The following SDK2 variants were observed in gnomAD, a reference collection of about 807,000 sequenced individuals.
SDK2 encodes the protein protein sidekick-2.
A neutral mutation model predicts 253.9 loss-of-function variants in SDK2; 105 were observed. The ratio of observed to expected loss-of-function variants is 0.41; its 90% CI spans 0.35 to 0.49. SDK2 has a LOEUF of 0.49. Ranked by LOEUF, SDK2 falls within the 20% of genes least tolerant of loss-of-function variation. The probability of loss-of-function intolerance (pLI) is 0.06; values close to 1 mark genes in which losing one functional copy is unlikely to be tolerated. For synonymous variants in SDK2, 1,249 were observed against 1,234.9 expected (o/e 1.01, Z -0.24); for missense variants, 2,608 against 3,003.0 (o/e 0.87, Z 3.07).
At chr17:73,393,479 C>T in intron 27 of SDK2, 81 bp downstream of exon 27, 4 of 1,345,402 alleles carry the variant, frequency 3.0e-6, no homozygotes, top group Middle Eastern at 2.1e-4. Context: ...AGAGCCTGAC[C>T]CCAGAAGGGC....
intron 18 of SDK2, among the ~76,000 whole-genome samples, chr17:73,413,057 G>A (rs955611085): frequency 6.6e-6 from 1 of 152,124 alleles, no homozygotes; most frequent in East Asian, 1.9e-4. Context: ...ACCAGTCTGT[G>A]GTCTGTTAGG....
chr17:73,507,665 A>T, intron 1 of SDK2, 68 bp from the exon 2 acceptor site: 3 of 1,492,580 alleles, frequency 2.0e-6, no homozygotes, highest in South Asian at 1.3e-5. Flanking sequence ...TGCGTTTAGT[A>T]TCCTAAGGCC....
Position 73,546,205 on chromosome 17 carries a change from C to T in SDK2, c.65-38608G>A, listed in dbSNP as rs370330552. 8.5e-5 allele frequency among the ~76,000 whole-genome samples: 13 copies of T among 152,294 alleles called. No individual in the cohort carries two copies. The East Asian group carries it at 9.6e-4, about 11-fold the overall frequency. On this transcript the variant is annotated intron_variant, in intron 1 of 44. Transcript: ENST00000392650. ...CCCTCCCTGAAGGTGCCAGGGCAGG[C>T]GGAGGCAGAGTTCAGACCTGCCCTC...
rs181581473 is a variant in SDK2, at chr17:73,422,255, G to T, written c.2045+32C>A. On this transcript the variant is annotated intron_variant, in intron 15 of 44. Transcript: ENST00000392650. ...GCAGCCCCTGCCTGTTGGAGTCCTG[G>T]CGACGCCCCTGTAGAGCGCCAGTGC... is the stretch of plus-strand genomic sequence containing the variant. 1.9e-6 allele frequency: 3 copies of T among 1,608,906 alleles called. No individual in the cohort carries two copies. In the African/African-American group the frequency reaches 4.0e-5, roughly 22 times the overall value.
At chr17:73,551,310 G>T (rs1460881666) in intron 1 of SDK2, among the ~76,000 whole-genome samples, 1 of 152,188 alleles carries the variant, frequency 6.6e-6, no homozygotes, top group Non-Finnish European at 1.5e-5. Flanking sequence ...GTGGCACGTT[G>T]CATGGCCAGA....
chr17:73,572,619 A>G (rs1265742831), intron 1 of SDK2, among the ~76,000 whole-genome samples: 1 of 152,180 alleles, frequency 6.6e-6, no homozygotes, highest in Non-Finnish European at 1.5e-5. Flanking sequence ...GAGGAAGACC[A>G]TGTCTGTTTT....
At chr17:73,556,525 ATT>A (rs1326502892) in intron 1 of SDK2, among the ~76,000 whole-genome samples, 1 of 152,196 alleles carries the variant, frequency 6.6e-6, no homozygotes, top group Non-Finnish European at 1.5e-5. Context: ...ACCGTGACTC[ATT>A]TTTGGTAGAG....
chr17:73,566,710 G>T (rs1209467046), intron 1 of SDK2, among the ~76,000 whole-genome samples: 3 of 152,092 alleles, frequency 2.0e-5, no homozygotes, highest in African/African-American at 7.2e-5. Context: ...TGTGTCTATG[G>T]CTTAGGGCTT....
At chr17:73,399,872 G>A (rs2063008034) in intron 21 of SDK2, among the ~76,000 whole-genome samples, 1 of 152,182 alleles carries the variant, frequency 6.6e-6, no homozygotes, top group African/African-American at 2.4e-5. Context: ...CAGGCTGTGT[G>A]TCTTTGCACA....
At chr17:73,355,176 T>TA (rs1568363071) in intron 40 of SDK2, among the ~76,000 whole-genome samples, 2 of 5,784 alleles carry the variant, frequency 3.5e-4, no homozygotes, top group African/African-American at 4.7e-4. Flanking sequence ...ATATATATAT[T>TA]TTTTTTTTTT....
At chr17:73,368,296 C>A (rs138932660) in intron 37 of SDK2, 111 bp downstream of exon 37, 9 of 991,036 alleles carry the variant, frequency 9.1e-6, no homozygotes, top group African/African-American at 1.7e-5. Context: ...GATCCTCAGG[C>A]GGATAAGGCA....
Position 73,644,212 on chromosome 17 carries a change from C to T in SDK2, c.-124G>A. 1 of 785,588 alleles carries T rather than the reference C, an allele frequency of 1.3e-6. No individual in the cohort carries two copies. The highest frequency in any genetic ancestry group is 2.1e-6 in the Non-Finnish European group (1 of 474,342). The allele number at this position is 785,588 out of a possible 1,614,324, so 48.7% of individuals were successfully genotyped here. ...ACAGTCAGTCTACGCGGCTCCGTGCCCCGGGGTGTAATATGCCCGGGAGGG... is the reference window on the plus strand; with the variant it reads ...ACAGTCAGTCTACGCGGCTCCGTGCTCCGGGGTGTAATATGCCCGGGAGGG... On this transcript the variant is annotated 5_prime_UTR_variant, in exon 1 of 45. Coordinates refer to ENST00000392650, the MANE Select transcript of SDK2 (RefSeq NM_001144952.2). This position sits in a 1 kb window ranked among gnomAD's most constrained non-coding sequence, Gnocchi z 6.3.
At chr17:73,436,766 C>T (rs1053919887) in intron 8 of SDK2, among the ~76,000 whole-genome samples, 3 of 152,028 alleles carry the variant, frequency 2.0e-5, no homozygotes, top group Non-Finnish European at 4.4e-5. Context: ...ATGGTCACGT[C>T]TCCGAGATCA....
At chr17:73,441,437 G>C (rs1363786344) in intron 5 of SDK2, among the ~76,000 whole-genome samples, 1 of 152,190 alleles carries the variant, frequency 6.6e-6, no homozygotes, top group Non-Finnish European at 1.5e-5. Flanking sequence ...TTTGTAATTA[G>C]TTAAGGTGAG....
At chr17:73,407,744 A>T (rs533412319) in intron 18 of SDK2, among the ~76,000 whole-genome samples, 136 of 152,140 alleles carry the variant, frequency 8.9e-4, no homozygotes, top group Non-Finnish European at 1.7e-3. Flanking sequence ...GCCAGAACCA[A>T]TTCATTATAC....
chr17:73,560,429 C>A (rs910799362), intron 1 of SDK2, among the ~76,000 whole-genome samples: 7 of 152,238 alleles, frequency 4.6e-5, no homozygotes, highest in Non-Finnish European at 1.0e-4. Context: ...CAACCTCCAC[C>A]TCCCAGATTC....
At chr17:73,399,859 T>C (rs535880773) in intron 21 of SDK2, among the ~76,000 whole-genome samples, 3 of 152,278 alleles carry the variant, frequency 2.0e-5, no homozygotes, top group African/African-American at 7.2e-5. Flanking sequence ...ACTCCACTAC[T>C]TACAGGCTGT....
At chr17:73,572,572 T>C (rs1802111296) in intron 1 of SDK2, among the ~76,000 whole-genome samples, 1 of 152,218 alleles carries the variant, frequency 6.6e-6, no homozygotes. Context: ...TGTGTAGTTA[T>C]TTGCTTATCG....
At chr17:73,459,709 T>A (rs994826470) in intron 3 of SDK2, among the ~76,000 whole-genome samples, 3 of 152,150 alleles carry the variant, frequency 2.0e-5, no homozygotes, top group Middle Eastern at 3.2e-3. Flanking sequence ...TTTCTTTTTT[T>A]TTTTTGTAGA....
Sources: allele counts gnomAD v4.1 joint callset (sites outside exome capture counted in the v4.1 genomes callset), GRCh38; gene constraint gnomAD v4.1.1; non-coding constraint Gnocchi (gnomAD v3.1); transcripts MANE v1.5; gene names NCBI Gene and HGNC (gene_info 2026-07-23, HGNC 2026-07-21).